Variants in UCKL1 observed in about 807,000 individuals in gnomAD.
The protein encoded by UCKL1 is uridine-cytidine kinase 1 like 1.
In UCKL1, 65 loss-of-function variants were observed where a neutral mutation model predicts 59.2. That is an observed-to-expected ratio of 1.10 (90% CI 0.90 to 1.35). The LOEUF (loss-of-function observed/expected upper bound fraction) is 1.35, where lower values mean the gene tolerates loss of function less well. Ranked by LOEUF, UCKL1 falls within the 40% of genes most tolerant of loss-of-function variation. UCKL1 has a pLI of 0.00. For synonymous variants in UCKL1, 410 were observed against 323.1 expected (o/e 1.27, Z -2.88); for missense variants, 703 against 784.3 (o/e 0.90, Z 1.24).
intron 1 of UCKL1, among the ~76,000 whole-genome samples, chr20:63,946,940 T>G (rs2056399979): frequency 6.6e-6 from 1 of 151,830 alleles, no homozygotes; most frequent in Non-Finnish European, 1.5e-5. Context: ...AAAAATTACC[T>G]GGGTGCGGTG....
rs2054244420 is a variant in UCKL1 at position 63,941,034 on chromosome 20, C to T, written c.1032G>A (p.Glu344=). 2 of 1,572,460 alleles carry T rather than the reference C, an allele frequency of 1.3e-6. No homozygotes were observed. The highest frequency in any genetic ancestry group is 1.4e-5 in the African/African-American group (1 of 73,050). Residue 344 remains glutamate, a synonymous_variant, in exon 10 of 15, where the codon GAG becomes GAA. Coordinates refer to ENST00000354216, the MANE Select transcript of UCKL1 (RefSeq NM_017859.4). ...RGMHTIIRDK[E]TSRDEFIFYS... ...AGAAGATGAACTCGTCGCGACTGGT[C>T]TCCTTGTCCCTGTGGGGCCAACAGT...
At position 63,939,989 on chromosome 20, in the gene UCKL1, G is replaced by A. The variant is rs1326613767; in HGVS notation, c.1634C>T (p.Ala545Val). The change falls in exon 15 of 15, where the codon GCC (alanine) becomes GTC (valine). Residue 545 changes from alanine (A) to valine (V), a missense_variant. Ala to Val is a moderately conservative substitution (Grantham distance 64). Transcript: ENST00000354216. ...VPDGSDEEEV[A>V]YTG ...CTCACTGGGCAGCTAACCCGTGTAG[G>A]CCACTTCCTCCTCGTCACTGCCATC... 1 of 1,604,434 alleles carries A rather than the reference G, an allele frequency of 6.2e-7. No individual in the cohort carries two copies. Among genetic ancestry groups the A allele is most frequent in the Non-Finnish European group, 8.5e-7 (1 of 1,174,760 alleles).
chr20:63,940,322 G>C lies in UCKL1; in HGVS notation c.1411-16C>G. 6.2e-7 allele frequency: 1 copy of C among 1,612,382 alleles called. No individual in the cohort carries two copies. Among genetic ancestry groups the C allele is most frequent in the South Asian group, 1.1e-5 (1 of 91,078 alleles). On this transcript the variant is annotated splice_polypyrimidine_tract_variant and intron_variant, in intron 13 of 14. Transcript: ENST00000354216. Reference sequence around the variant, plus strand: ...CGTCGTGGTCCTACCGAGTGTATTGGGCAGGTAAATCCCACCTCTGCCTGA... The same window carrying C: ...CGTCGTGGTCCTACCGAGTGTATTGCGCAGGTAAATCCCACCTCTGCCTGA...
rs1307471845 is a variant in UCKL1 at position 63,940,399 on chromosome 20, C to G, written c.1389G>C (p.Met463Ile). The G allele has an allele frequency of 1.2e-6, 2 of 1,611,834 alleles. No homozygotes were observed. Among genetic ancestry groups the G allele is most frequent in the Non-Finnish European group, 1.7e-6 (2 of 1,179,260 alleles). ...TCACCAGGAGCACGCGCACTGCCAT[C>G]ATGGCCGCCGCGCCCGTGGACACGG... is the stretch of plus-strand genomic sequence containing the variant. ...DCTVSTGAAA[M>I]MAVRVLLDHD... Residue 463 changes from methionine (M) to isoleucine (I), a missense_variant, in exon 13 of 15, where the codon ATG becomes ATC. Around this residue, in one of 4 missense-constraint regions of UCKL1, gnomAD observed 124 missense variants for 161.1 expected, o/e 0.77. Transcript: ENST00000354216.
chr20:63,950,660 C>G, intron 1 of UCKL1: 2 of 1,295,820 alleles, frequency 1.5e-6, no homozygotes, highest in Non-Finnish European at 1.0e-6. Flanking sequence ...CTGTTTGATT[C>G]CTGATATCCA....
Position 63,939,871 on chromosome 20 carries a change from A to ATAAAT in UCKL1, c.*100_*104dup. The ATAAAT allele has an allele frequency of 1.0e-6, 1 of 991,444 alleles. No individual in the cohort carries two copies. The highest frequency in any genetic ancestry group is 1.5e-6 in the Non-Finnish European group (1 of 667,344). 61.4% of individuals were successfully genotyped at this position (991,444 alleles called of 1,614,324 possible). On this transcript the variant is annotated 3_prime_UTR_variant, in exon 15 of 15. Transcript: ENST00000354216. ...TTATTTATTTTATAAAATGCATAGA[A>ATAAAT]TAAATTATACTAGTAACATTTTAAA...
intron 8 of UCKL1, among the ~76,000 whole-genome samples, chr20:63,941,790 TGGAGGCAAGAAAGAGGTGGGACAGGGA>T (rs2054537747): frequency 1.7e-5 from 2 of 116,748 alleles, no homozygotes; most frequent in Non-Finnish European, 3.6e-5. Flanking sequence ...AAGGGCGGGG[TGGAGGCAAGAAAGAGGTGGGACAGGGA>T]GGAGGCAAAG....
At position 63,944,682 on chromosome 20, in the gene UCKL1, C is replaced by G; in HGVS notation, c.707G>C (p.Arg236Pro). The G allele has an allele frequency of 6.2e-7, 1 of 1,612,974 alleles. No individual in the cohort carries two copies. The highest frequency in any genetic ancestry group is 8.5e-7 in the Non-Finnish European group (1 of 1,179,964). The change falls in exon 6 of 15, where the codon CGG becomes CCG. Residue 236 changes from arginine (R) to proline (P), a missense_variant. Coordinates refer to ENST00000354216, the MANE Select transcript of UCKL1 (RefSeq NM_017859.4). ...VDTDSDIRLVRRLRRDISERG... is the reference protein window; with the variant it reads ...VDTDSDIRLVPRLRRDISERG... ...CTCACTGATGTCCCGGCGCAGCCGC[C>G]GTACCAGGCGGATGTCGGAGTCTGT... is the stretch of plus-strand genomic sequence containing the variant.
intron 1 of UCKL1, among the ~76,000 whole-genome samples, chr20:63,950,552 G>A (rs547028607): frequency 1.2e-4 from 18 of 152,328 alleles, no homozygotes; most frequent in East Asian, 3.9e-4. Flanking sequence ...GTTCCAAGCC[G>A]TAACCAACAC....
At chr20:63,949,014 C>G (rs1457950095) in intron 1 of UCKL1, among the ~76,000 whole-genome samples, 1 of 152,106 alleles carries the variant, frequency 6.6e-6, no homozygotes, top group Non-Finnish European at 1.5e-5. Context: ...TGACAGCTCT[C>G]CTGGGCCCAG....
At chr20:63,941,537 C>T (rs1396636787) in intron 8 of UCKL1, 1 of 357,706 alleles carries the variant, frequency 2.8e-6, no homozygotes, top group Admixed American at 4.5e-5. Flanking sequence ...ACAGGGCGGG[C>T]TCACACGTGC....
In UCKL1 at chr20:63,946,165, T is replaced by C; in HGVS notation, c.407A>G (p.Tyr136Cys). ...WVVLLSMDSF[Y>C]KVLTEQQQEQ... ...GGGAGCTGGGCGGGGGCCCACCTTGTAGAAGGAGTCCATGGACAGCAAGAC... is the reference window on the plus strand; with the variant it reads ...GGGAGCTGGGCGGGGGCCCACCTTGCAGAAGGAGTCCATGGACAGCAAGAC... The change falls in exon 3 of 15, where the codon TAC becomes TGC. Residue 136 changes from tyrosine (Y) to cysteine (C), a missense_variant. By Grantham distance (194) the Tyr-to-Cys change is radical (BLOSUM62 -2). Around this residue, in one of 4 missense-constraint regions of UCKL1, gnomAD observed 398 missense variants for 373.0 expected, o/e 1.07. Transcript: ENST00000354216. The C allele has an allele frequency of 6.2e-7, 1 of 1,612,060 alleles. No individual in the cohort carries two copies.
At chr20:63,946,392 C>T (rs2056216521) in intron 2 of UCKL1, 61 bp downstream of exon 2, 3 of 1,516,854 alleles carry the variant, frequency 2.0e-6, no homozygotes, top group South Asian at 1.3e-5. Flanking sequence ...GCTCCACAGG[C>T]ACTGGAGGGG....
At chr20:63,947,924 C>T (rs774013543) in intron 1 of UCKL1, among the ~76,000 whole-genome samples, 9 of 152,166 alleles carry the variant, frequency 5.9e-5, no homozygotes, top group South Asian at 4.1e-4. Context: ...GGCAGGGGGC[C>T]GTGACTGGCC....
intron 1 of UCKL1, among the ~76,000 whole-genome samples, chr20:63,949,667 G>T (rs1456859643): frequency 6.6e-6 from 1 of 152,206 alleles, no homozygotes; most frequent in African/African-American, 2.4e-5. Context: ...GTGGTGGGCA[G>T]AGAACAAATC....
chr20:63,950,973 G>C, intron 1 of UCKL1: 1 of 1,305,022 alleles, frequency 7.7e-7, no homozygotes, highest in Non-Finnish European at 9.7e-7. Context: ...CCGGCCACCT[G>C]AACTGGCCCT....
In UCKL1 at chr20:63,950,769, C is replaced by T. The variant is rs866223316; in HGVS notation, c.114-4126G>A. 3.5e-5 allele frequency: 54 copies of T among 1,538,392 alleles called. No homozygotes were observed. The African/African-American group carries it at 6.6e-4, about 19-fold the overall frequency. ...CCAGTCGAGACTCACCTGCCTTCTG[C>T]TCCAAGGGCCCGGCACCCTGAGATC... On this transcript the variant is annotated intron_variant, in intron 1 of 14. Transcript: ENST00000354216.
In UCKL1 at chr20:63,940,414, CGTGGACACGGTGCA is replaced by C; in HGVS notation, c.1360_1373del (p.Cys454GlyfsTer18). On this transcript the variant is annotated frameshift_variant, in exon 13 of 15. Coordinates refer to ENST00000354216, the MANE Select transcript of UCKL1 (RefSeq NM_017859.4). LOFTEE classifies it high-confidence loss of function. ...GCACTGCCATCATGGCCGCCGCGCC[CGTGGACACGGTGCA>C]GTCCATGAGGATCACGTGGTCATCG... The C allele has an allele frequency of 6.2e-7, 1 of 1,611,958 alleles. No individual in the cohort carries two copies. Among genetic ancestry groups the C allele is most frequent in the Non-Finnish European group, 8.5e-7 (1 of 1,179,358 alleles).
intron 5 of UCKL1, 57 bp from the exon 6 acceptor site, chr20:63,944,791 C>A: frequency 6.3e-7 from 1 of 1,591,444 alleles, no homozygotes; most frequent in African/African-American, 1.3e-5. Context: ...CATGGAGACA[C>A]TGGGACCAGC....
Sources: allele counts gnomAD v4.1 joint callset (sites outside exome capture counted in the v4.1 genomes callset), GRCh38; gene constraint gnomAD v4.1.1; regional missense constraint gnomAD v4.1.1; transcripts MANE v1.5; gene names NCBI Gene and HGNC (gene_info 2026-07-23, HGNC 2026-07-21).